The following LARS1 variants were observed in gnomAD, a reference collection of about 807,000 sequenced individuals.
LARS1 encodes the protein leucine--tRNA ligase, cytoplasmic.
In LARS1, 100 loss-of-function variants were observed where a neutral mutation model predicts 162.8. That is an observed-to-expected ratio of 0.61 (90% CI 0.52 to 0.73). LARS1 has a LOEUF of 0.73. Ranked by LOEUF, LARS1 falls within the 30% of genes least tolerant of loss-of-function variation. The pLI is 0.00. For synonymous variants in LARS1, 457 were observed against 462.8 expected, an observed-to-expected ratio of 0.99 and a Z score of 0.16; for missense variants, 1,258 against 1,408.9, an observed-to-expected ratio of 0.89 and a Z score of 1.71.
rs1752918904 is a variant in LARS1, at chr5:146,144,318, C to A, written c.1687G>T (p.Ala563Ser). The A allele has an allele frequency of 1.2e-6, 2 of 1,613,570 alleles. No homozygotes were observed. Among genetic ancestry groups the A allele is most frequent in the Non-Finnish European group, 1.7e-6 (2 of 1,179,912 alleles). Residue 563 changes from alanine (A) to serine (S), a missense_variant, in exon 18 of 32, where the codon GCC (alanine) becomes TCC (serine). Coordinates refer to ENST00000394434, the MANE Select transcript of LARS1 (RefSeq NM_020117.11). ...TGTTCTTGTAGCCAACCTAAGGTGG[C>A]TTCAAAATTCCTCCTGGTCTCCTCA... ...FCEETRRNFE[A>S]TLGWLQEHAC... is the part of the protein sequence containing the mutation.
At chr5:146,174,491 T>TAC (rs1754432132) in intron 2 of LARS1, among the ~76,000 whole-genome samples, 2 of 12,012 alleles carry the variant, frequency 1.7e-4, no homozygotes, top group African/African-American at 6.6e-4. Context: ...TATCCATATA[T>TAC]ATATATATCC....
Position 146,130,013 on chromosome 5 carries a change from G to T in LARS1, c.2628+5C>A. On this transcript the variant is annotated splice_donor_5th_base_variant and intron_variant, in intron 25 of 31. Transcript: ENST00000394434. ...ACTCGAAACATTTTAAATGCATGAA[G>T]GTACCTTTCCCAGGAGTGTCCAGAT... The T allele has an allele frequency of 6.3e-7, 1 of 1,599,604 alleles. No homozygotes were observed. The highest frequency in any genetic ancestry group is 8.5e-7 in the Non-Finnish European group (1 of 1,175,214).
chr5:146,115,669 G>T (rs375826948), intron 31 of LARS1, among the ~76,000 whole-genome samples: 4 of 136,022 alleles, frequency 2.9e-5, no homozygotes, highest in African/African-American at 8.1e-5. Flanking sequence ...GAGCCCAAAA[G>T]AAGTATATTT....
chr5:146,128,578 T>C (rs1752137862), intron 27 of LARS1, 94 bp downstream of exon 27: 1 of 720,794 alleles, frequency 1.4e-6, no homozygotes, highest in African/African-American at 1.9e-5. Flanking sequence ...CTGCCTATCT[T>C]TCTTCTCCCA....
chr5:146,115,270 AAATCTAAAACTTAC>A (rs745937887), intron 31 of LARS1, among the ~76,000 whole-genome samples: 11 of 152,006 alleles, frequency 7.2e-5, no homozygotes, highest in Non-Finnish European at 1.2e-4. Flanking sequence ...GAATATCGAA[AAATCTAAAACTTAC>A]CCCTTTCTTG....
chr5:146,129,145 C>A (rs1002532945), intron 25 of LARS1, 27 bp from the exon 26 acceptor site: 3 of 1,551,604 alleles, frequency 1.9e-6, no homozygotes, highest in Non-Finnish European at 1.7e-6. Context: ...AACAAAAAAA[C>A]CTTCAGTGAG....
chr5:146,133,099 A>T lies in LARS1; in HGVS notation c.2213-18T>A. ...ACGCATTCCTGGAAGAAGAAAAAAA[A>T]ATTCAATGCATTAAAAATATGGTTA... On this transcript the variant is annotated intron_variant, in intron 22 of 31. Coordinates refer to ENST00000394434, the MANE Select transcript of LARS1 (RefSeq NM_020117.11). The T allele has an allele frequency of 5.0e-6, 8 of 1,610,646 alleles. No homozygotes were observed. The highest frequency in any genetic ancestry group is 6.8e-6 in the Non-Finnish European group (8 of 1,178,014).
Position 146,113,130 on chromosome 5 carries a change from T to C in LARS1, c.*976A>G, listed in dbSNP as rs1764049614. 6.6e-6 allele frequency: 1 copy of C among 152,226 alleles called. No individual in the cohort carries two copies. The allele number at this position is 152,226 out of a possible 1,614,324, so 9.4% of individuals were successfully genotyped here. ...CCTAAGCTGGAGTGCAATGGCACGG[T>C]TTCAGCTCACTGCAACCTCGGTCTC... On this transcript the variant is annotated 3_prime_UTR_variant, in exon 32 of 32. Coordinates refer to ENST00000394434, the MANE Select transcript of LARS1 (RefSeq NM_020117.11).
chr5:146,177,783 T>G, intron 1 of LARS1, 118 bp from the exon 2 acceptor site: 1 of 461,858 alleles, frequency 2.2e-6, no homozygotes. Flanking sequence ...ATGGTTATCT[T>G]GAAATTTAAA....
At chr5:146,130,409 A>C (rs1391208158) in intron 24 of LARS1, 13 of 464,692 alleles carry the variant, frequency 2.8e-5, no homozygotes, top group Non-Finnish European at 4.9e-5. Flanking sequence ...TGAGACATAA[A>C]AGTTGAACAA....
intron 20 of LARS1, 36 bp downstream of exon 20, chr5:146,142,832 ACAAT>A: frequency 6.7e-7 from 1 of 1,489,422 alleles, no homozygotes; most frequent in Admixed American, 1.7e-5. Flanking sequence ...ACCCCTATTG[ACAAT>A]CAATAAATCT....
intron 5 of LARS1, among the ~76,000 whole-genome samples, chr5:146,165,624 A>T (rs1371649264): frequency 2.0e-5 from 3 of 150,624 alleles, no homozygotes; most frequent in Non-Finnish European, 2.9e-5. Context: ...GCAGACTGTG[A>T]CAAATCTATC....
At chr5:146,140,466 G>GT (rs1752723470) in intron 20 of LARS1, among the ~76,000 whole-genome samples, 2 of 152,164 alleles carry the variant, frequency 1.3e-5, no homozygotes, top group African/African-American at 4.8e-5. Context: ...ATACAATGAC[G>GT]TAACTACTTA....
chr5:146,143,828 G>A (rs943642122), intron 18 of LARS1, among the ~76,000 whole-genome samples: 26 of 151,828 alleles, frequency 1.7e-4, no homozygotes, highest in African/African-American at 3.4e-4. Flanking sequence ...GTGAAACCCC[G>A]TCTCTACTAA....
At chr5:146,119,776 A>G (rs1290184952) in intron 31 of LARS1, among the ~76,000 whole-genome samples, 1 of 152,180 alleles carries the variant, frequency 6.6e-6, no homozygotes, top group Non-Finnish European at 1.5e-5. Context: ...AAGAAAGAAT[A>G]TGAGCTTTGG....
intron 29 of LARS1, among the ~76,000 whole-genome samples, chr5:146,123,655 C>A (rs774206423): frequency 2.6e-5 from 4 of 151,630 alleles, no homozygotes; most frequent in Non-Finnish European, 1.5e-5. Context: ...TCAGAGTACT[C>A]CATAACATGA....
chr5:146,125,560 C>A (rs1752007082), intron 28 of LARS1, among the ~76,000 whole-genome samples: 1 of 151,946 alleles, frequency 6.6e-6, no homozygotes, highest in Admixed American at 6.6e-5. Flanking sequence ...ATTTTATTTA[C>A]TCCTCACAGC....
rs745902477 is a variant in LARS1, at chr5:146,120,407, T to C, written c.3289A>G (p.Ile1097Val). The C allele has an allele frequency of 8.1e-6, 13 of 1,613,264 alleles. No individual in the cohort carries two copies. In the Admixed American group the frequency reaches 2.2e-4, roughly 27 times the overall value. ...IRQGDNCDSI[I>V]RRLMKMNRGI... ...CGATTCATTTTCATTAAACGCCTGA[T>C]TATGGAATCACAGTTATCTCCTTGC... Residue 1097 changes from isoleucine to valine, a missense_variant, in exon 31 of 32, where the codon ATC becomes GTC. Coordinates refer to ENST00000394434, the MANE Select transcript of LARS1 (RefSeq NM_020117.11).
At chr5:146,134,347 C>T (rs1049342697) in intron 22 of LARS1, among the ~76,000 whole-genome samples, 2 of 152,120 alleles carry the variant, frequency 1.3e-5, no homozygotes, top group African/African-American at 4.8e-5. Flanking sequence ...CTAATATATA[C>T]ATAAAGTGGT....
Sources: allele counts gnomAD v4.1 joint callset (sites outside exome capture counted in the v4.1 genomes callset), GRCh38; gene constraint gnomAD v4.1.1; transcripts MANE v1.5; gene names NCBI Gene and HGNC (gene_info 2026-07-23, HGNC 2026-07-21).